The following HLCS variants were observed in gnomAD, a reference collection of about 807,000 sequenced individuals.
HLCS encodes holocarboxylase synthetase, also known as biotin--protein ligase.
Under a neutral mutation model 75.0 loss-of-function variants are expected in HLCS, and 53 were observed. That is an observed-to-expected ratio of 0.71 (90% CI 0.57 to 0.89). The LOEUF (loss-of-function observed/expected upper bound fraction) is 0.89, where lower values mean the gene tolerates loss of function less well. Ranked by LOEUF, HLCS falls within the 40% of genes least tolerant of loss-of-function variation. HLCS has a pLI of 0.00. For synonymous variants in HLCS, 431 were observed against 428.6 expected (o/e 1.01, Z -0.07); for missense variants, 966 against 1,074.0 (o/e 0.90, Z 1.41).
At chr21:36,844,688 C>T (rs1029499546) in intron 6 of HLCS, among the ~76,000 whole-genome samples, 1 of 151,162 alleles carries the variant, frequency 6.6e-6, no homozygotes, top group African/African-American at 2.4e-5. Context: ...TGGAGAACGA[C>T]TATCTTTTTT....
At position 36,811,083 on chromosome 21, in the gene HLCS, T is replaced by C. The variant is rs557192769; in HGVS notation, c.1893-43798A>G. Among the ~76,000 whole-genome samples, 125 of 150,096 alleles carry C rather than the reference T, an allele frequency of 8.3e-4. 3 individuals carry two copies. In the South Asian group the frequency reaches 0.021, roughly 26 times the overall value. On this transcript the variant is annotated intron_variant, in intron 6 of 10. Coordinates refer to ENST00000674895, the MANE Select transcript of HLCS (RefSeq NM_001352514.2). ...ATGTATTTGTCATGTACAACACGTTTTGAAGTACCTACACATTATGAAATT... is the reference window on the plus strand; with the variant it reads ...ATGTATTTGTCATGTACAACACGTTCTGAAGTACCTACACATTATGAAATT...
intron 6 of HLCS, among the ~76,000 whole-genome samples, chr21:36,801,782 C>CT (rs113671511): frequency 0.077 from 11,229 of 145,660 alleles, 457 homozygotes; most frequent in African/African-American, 0.097. Context: ...GATTTCCTTT[C>CT]TTTTTTTTTT....
chr21:36,975,050 C>G (rs778877022), intron 1 of HLCS: 7 of 152,206 alleles, frequency 4.6e-5, no homozygotes, highest in Non-Finnish European at 8.8e-5. Context: ...ATGGCCAGCT[C>G]TGGCCTCTCC....
At chr21:36,957,127 G>A (rs574466745) in intron 2 of HLCS, among the ~76,000 whole-genome samples, 16 of 151,776 alleles carry the variant, frequency 1.1e-4, no homozygotes, top group Non-Finnish European at 1.2e-4. Context: ...CAAATCTCAC[G>A]TTGAAATGTA....
At position 36,966,425 on chromosome 21, in the gene HLCS, G is replaced by A; in HGVS notation, c.195+19C>T. On this transcript the variant is annotated intron_variant, in intron 1 of 10. Transcript: ENST00000674895. ...CCGGCTCGCGGGGCCCGGGTCGCCC[G>A]CCCGCCCGACCCGCCCACCTGGCTG... is the stretch of plus-strand genomic sequence containing the variant. 5.1e-6 allele frequency: 1 copy of A among 195,440 alleles called. No homozygotes were observed. 12.1% of individuals were successfully genotyped at this position (195,440 alleles called of 1,614,324 possible).
At chr21:36,817,402 T>C (rs1391393441) in intron 6 of HLCS, among the ~76,000 whole-genome samples, 1 of 152,194 alleles carries the variant, frequency 6.6e-6, no homozygotes, top group Non-Finnish European at 1.5e-5. Context: ...TCATCACAGA[T>C]CTTATGCCAT....
intron 6 of HLCS, among the ~76,000 whole-genome samples, chr21:36,874,410 A>T (rs1429610095): frequency 4.3e-5 from 2 of 46,032 alleles, no homozygotes; most frequent in Non-Finnish European, 7.6e-5. Context: ...TCAAAAAAAT[A>T]AAATAAAATA....
At position 36,938,749 on chromosome 21, in the gene HLCS, C is replaced by T. The variant is rs2146535334; in HGVS notation, c.493+83G>A. ...AACTCCTGGGCTCCAAGCGATCCTC[C>T]TGCCTCGGCCTTCCAAAGTGCTGGG... On this transcript the variant is annotated intron_variant, in intron 3 of 10. Transcript: ENST00000674895. 4.3e-6 allele frequency: 6 copies of T among 1,406,512 alleles called. No individual in the cohort carries two copies. In the South Asian group the frequency reaches 5.7e-5, roughly 13 times the overall value. The allele number at this position is 1,406,512 out of a possible 1,614,324, so 87.1% of individuals were successfully genotyped here.
chr21:36,874,885 C>T (rs1168906919), intron 6 of HLCS, among the ~76,000 whole-genome samples: 1 of 151,994 alleles, frequency 6.6e-6, no homozygotes, highest in African/African-American at 2.4e-5. Context: ...AGGAAGCACC[C>T]CCGGTCCCTG....
intron 6 of HLCS, among the ~76,000 whole-genome samples, chr21:36,857,487 T>C (rs1428621422): frequency 6.6e-6 from 1 of 152,208 alleles, no homozygotes; most frequent in African/African-American, 2.4e-5. Context: ...ATTTGTGTAC[T>C]ACTGGAGGAA....
intron 2 of HLCS, among the ~76,000 whole-genome samples, chr21:36,944,442 T>C (rs957787904): frequency 6.6e-6 from 1 of 152,238 alleles, no homozygotes; most frequent in Non-Finnish European, 1.5e-5. Context: ...CCTAGGCAGT[T>C]ACCTAGGTGT....
At chr21:36,780,460 C>T (rs550433553) in intron 6 of HLCS, among the ~76,000 whole-genome samples, 20 of 152,112 alleles carry the variant, frequency 1.3e-4, no homozygotes, top group South Asian at 4.1e-4. Context: ...CCTCGTGATC[C>T]GCCTGCCTCA....
chr21:36,795,047 G>A (rs931948568), intron 6 of HLCS, among the ~76,000 whole-genome samples: 3 of 152,070 alleles, frequency 2.0e-5, no homozygotes, highest in East Asian at 1.9e-4. Context: ...AATCATTATC[G>A]TGGAGATGGT....
At chr21:36,848,161 C>T (rs1450695489) in intron 6 of HLCS, among the ~76,000 whole-genome samples, 1 of 152,070 alleles carries the variant, frequency 6.6e-6, no homozygotes, top group Admixed American at 6.6e-5. Flanking sequence ...GGTCAAAATA[C>T]ACGCACATTT....
intron 5 of HLCS, among the ~76,000 whole-genome samples, chr21:36,901,353 G>C (rs192177726): frequency 9.8e-5 from 15 of 152,302 alleles, no homozygotes; most frequent in African/African-American, 2.6e-4. Flanking sequence ...ATATCAATTT[G>C]AGAATTGTCA....
chr21:36,764,929 T>C, intron 8 of HLCS, 83 bp downstream of exon 8: 1 of 1,470,654 alleles, frequency 6.8e-7, no homozygotes, highest in South Asian at 1.1e-5. Context: ...AGCCACCAAT[T>C]ATGCAAGCAC....
intron 4 of HLCS, among the ~76,000 whole-genome samples, chr21:36,931,206 C>T (rs920929250): frequency 3.5e-5 from 5 of 144,884 alleles, no homozygotes; most frequent in Admixed American, 2.2e-4. Context: ...TCGCTTGAAC[C>T]CAGGAGGCGG....
At chr21:36,836,601 C>T (rs1054821642) in intron 6 of HLCS, among the ~76,000 whole-genome samples, 2 of 151,250 alleles carry the variant, frequency 1.3e-5, no homozygotes, top group South Asian at 2.1e-4. Context: ...AGAAAATTTT[C>T]GCAACCTACT....
At chr21:36,938,800 G>A (rs1358286711) in intron 3 of HLCS, 32 bp downstream of exon 3, 3 of 1,610,090 alleles carry the variant, frequency 1.9e-6, no homozygotes, top group Non-Finnish European at 2.5e-6. Flanking sequence ...CACTATGCCT[G>A]GCCAATAAAA....
Sources: allele counts gnomAD v4.1 joint callset (sites outside exome capture counted in the v4.1 genomes callset), GRCh38; gene constraint gnomAD v4.1.1; transcripts MANE v1.5; gene names NCBI Gene and HGNC (gene_info 2026-07-23, HGNC 2026-07-21).